The following ZNF701 variants were observed in gnomAD, a reference collection of about 807,000 sequenced individuals.
The protein encoded by ZNF701 is zinc finger protein 701.
In ZNF701, 6 loss-of-function variants were observed where a neutral mutation model predicts 7.1. The ratio of observed to expected loss-of-function variants is 0.84; its 90% CI spans 0.46 to 1.66. The LOEUF is 1.66. Among genes scored for constraint, ZNF701 ranks in the 40% most tolerant of loss-of-function variants. The pLI is 0.01. For synonymous variants in ZNF701, 166 were observed against 188.2 expected (o/e 0.88, Z 0.97); for missense variants, 541 against 559.2 (o/e 0.97, Z 0.33).
At chr19:52,581,541 C>T (rs58021489) in intron 3 of ZNF701, among the ~76,000 whole-genome samples, 1,898 of 152,264 alleles carry the variant, frequency 0.012, 40 homozygotes, top group African/African-American at 0.043. Context: ...GAGATGGAGT[C>T]TCACTTTGTC....
chr19:52,595,586 T>C, the ZNF701 span: 5 of 963,512 alleles, frequency 5.2e-6, no homozygotes, highest in South Asian at 4.9e-5. Flanking sequence ...CTGTACTTAA[T>C]TGGAAACCTA....
At chr19:52,578,340 A>C (rs1260655398) in intron 3 of ZNF701, among the ~76,000 whole-genome samples, 1 of 152,028 alleles carries the variant, frequency 6.6e-6, no homozygotes, top group East Asian at 1.9e-4. Context: ...GCTACCTAAA[A>C]GGCAAGGGCC....
chr19:52,592,183 T>C, the ZNF701 span: 21 of 1,565,466 alleles, frequency 1.3e-5, no homozygotes, highest in Non-Finnish European at 1.8e-5. Flanking sequence ...GAGGGCTTTA[T>C]ACAGGGAAGT....
Position 52,583,510 on chromosome 19 carries a change from T to C in ZNF701, c.*53T>C, listed in dbSNP as rs1168687670. ...AACAGTCAAACCTTGCATGTCATCA[T>C]AGACTTTATACTGGAGAGAAACCTT... On this transcript the variant is annotated 3_prime_UTR_variant, in exon 4 of 4. Transcript: ENST00000391785. The C allele has an allele frequency of 5.0e-6, 8 of 1,606,350 alleles. No homozygotes were observed. Among genetic ancestry groups the C allele is most frequent in the South Asian group, 1.1e-5 (1 of 90,416 alleles).
At chr19:52,597,123 C>T in the ZNF701 span, 4 of 882,408 alleles carry the variant, frequency 4.5e-6, no homozygotes, top group Non-Finnish European at 5.4e-6. Flanking sequence ...TTTCAGACAT[C>T]GATCATATCT....
chr19:52,578,637 C>T (rs73580214), intron 3 of ZNF701, among the ~76,000 whole-genome samples: 7,571 of 152,350 alleles, frequency 0.05, 347 homozygotes, highest in African/African-American at 0.12. Context: ...CGATTACAGG[C>T]GTGAGCCGCC....
At position 52,586,609 on chromosome 19, in the gene ZNF701, C is replaced by T. The variant is rs1322164162; in HGVS notation, c.*3152C>T. Reference sequence around the variant, plus strand: ...ACGCAGCCTGTTGACCCTTCCTGGCCATCACATGAAAATCAGCGACTCTTC... The same window carrying T: ...ACGCAGCCTGTTGACCCTTCCTGGCTATCACATGAAAATCAGCGACTCTTC... On this transcript the variant is annotated 3_prime_UTR_variant, in exon 4 of 4. Coordinates refer to ENST00000391785, the MANE Select transcript of ZNF701 (RefSeq NM_018260.3). 6.6e-6 allele frequency: 1 copy of T among 151,884 alleles called. No homozygotes were observed. Among genetic ancestry groups the T allele is most frequent in the African/African-American group, 2.4e-5 (1 of 41,366 alleles). The allele number at this position is 151,884 out of a possible 1,614,324, so 9.4% of individuals were successfully genotyped here. A position where few individuals can be genotyped will look rare whatever the true frequency, so the allele number is the denominator to read the frequency against.
the ZNF701 span, chr19:52,597,136 C>T: frequency 1.7e-5 from 13 of 763,158 alleles, no homozygotes; most frequent in Non-Finnish European, 2.9e-5. Flanking sequence ...TCATATCTTG[C>T]AGTTTATCAG....
chr19:52,590,029 G>A (rs1286365072), downstream of ZNF701, among the ~76,000 whole-genome samples: 1 of 151,798 alleles, frequency 6.6e-6, no homozygotes, highest in Non-Finnish European at 1.5e-5. Flanking sequence ...CCCGACCTCA[G>A]GTGATCCACC....
the ZNF701 span, chr19:52,595,600 G>A: frequency 2.9e-6 from 3 of 1,051,964 alleles, no homozygotes; most frequent in Admixed American, 4.7e-5. Flanking sequence ...AAACCTATTG[G>A]TCTTTATATT....
the ZNF701 span, chr19:52,597,984 GC>G: frequency 1.3e-5 from 2 of 152,850 alleles, no homozygotes; most frequent in African/African-American, 2.4e-5. Context: ...TTGCTCTGTC[GC>G]CCAGGCTGGA....
At chr19:52,574,479 A>T (rs113491880) in intron 2 of ZNF701, among the ~76,000 whole-genome samples, 3 of 152,178 alleles carry the variant, frequency 2.0e-5, no homozygotes, top group African/African-American at 4.8e-5. Flanking sequence ...ATCTGGATGC[A>T]CTGTCAACTC....
intron 3 of ZNF701, among the ~76,000 whole-genome samples, chr19:52,581,303 T>G (rs2059973911): frequency 6.6e-6 from 1 of 152,128 alleles, no homozygotes; most frequent in Non-Finnish European, 1.5e-5. Context: ...CACCACAATC[T>G]TGGCCTCGCG....
intron 1 of ZNF701, among the ~76,000 whole-genome samples, chr19:52,573,807 G>A (rs1191625088): frequency 1.3e-5 from 2 of 152,198 alleles, no homozygotes; most frequent in African/African-American, 4.8e-5. Context: ...ATGAGCCACC[G>A]CACCGAGCCT....
rs747104680 is a variant in ZNF701 at position 52,582,291 on chromosome 19, G to A, written c.232G>A (p.Ala78Thr). 1 of 1,613,784 alleles carries A rather than the reference G, an allele frequency of 6.2e-7. No individual in the cohort carries two copies. The highest frequency in any genetic ancestry group is 8.5e-7 in the Non-Finnish European group (1 of 1,179,838). The change falls in exon 4 of 4, where the codon GCA becomes ACA. Residue 78 changes from alanine (A) to threonine (T), a missense_variant. Physicochemically the swap from Ala to Thr is moderately conservative, Grantham distance 58. Transcript: ENST00000391785. Reference protein sequence around the residue: ...VVHTGTLQIHASHHIGDTCFQ... With the variant: ...VVHTGTLQIHTSHHIGDTCFQ... ...CCACACAGGGACATTGCAAATACAT[G>A]CAAGTCATCACATTGGAGATACTTG... is the stretch of plus-strand genomic sequence containing the variant.
chr19:52,592,015 G>A (rs758109747), downstream of ZNF701: 68 of 616,698 alleles, frequency 1.1e-4, 2 homozygotes, highest in Non-Finnish European at 1.8e-4. Flanking sequence ...GGATCAAATC[G>A]ATACTTATTT....
At chr19:52,573,175 CT>C (rs1199792148) in intron 1 of ZNF701, 17 of 163,068 alleles carry the variant, frequency 1.0e-4, no homozygotes, top group African/African-American at 4.1e-4. Context: ...TCAAGCAATT[CT>C]TGTGCCTTAG....
In ZNF701 at chr19:52,586,047, T is replaced by G. The variant is rs1002269153; in HGVS notation, c.*2590T>G. On this transcript the variant is annotated 3_prime_UTR_variant, in exon 4 of 4. Transcript: ENST00000391785. ...ATGTGGTTTTTTTTGTTTTTGTTTTTGTTTTTTTGATGGAGATGGGGTCTT... is the reference window on the plus strand; with the variant it reads ...ATGTGGTTTTTTTTGTTTTTGTTTTGGTTTTTTTGATGGAGATGGGGTCTT... The G allele has an allele frequency of 4.4e-4, 67 of 152,284 alleles. No individual in the cohort carries two copies. The highest frequency in any genetic ancestry group is 1.6e-3 in the African/African-American group (67 of 41,362). 9.4% of individuals were successfully genotyped at this position (152,284 alleles called of 1,614,324 possible).
chr19:52,595,991 T>G, the ZNF701 span: 1 of 1,599,308 alleles, frequency 6.3e-7, no homozygotes, highest in Non-Finnish European at 8.6e-7. Context: ...TGATGCTTCC[T>G]CAGCTTCAAC....
Sources: gnomAD v4.1 joint callset for allele counts (sites outside exome capture counted in the v4.1 genomes callset) on GRCh38, gnomAD v4.1.1 for gene constraint, MANE v1.5 for transcripts, NCBI Gene and HGNC (gene_info 2026-07-23, HGNC 2026-07-21) for gene names.